DCDC2C: variants seen among roughly 807,000 people sequenced by gnomAD.
DCDC2C encodes doublecortin domain containing 2C, also known as doublecortin domain-containing protein 2C.
A neutral mutation model predicts 45.0 loss-of-function variants in DCDC2C; 44 were observed. That is an observed-to-expected ratio of 0.98 (90% confidence interval 0.77 to 1.26). The LOEUF (loss-of-function observed/expected upper bound fraction) is 1.26. Ranked by LOEUF, DCDC2C falls within the 50% of genes most tolerant of loss-of-function variation. DCDC2C has a pLI of 0.00. For missense variants in DCDC2C, 447 were observed against 468.9 expected (o/e 0.95, Z 0.43); for synonymous variants, 187 against 178.8 (o/e 1.05, Z -0.37).
chr2:3,834,685 T>C (rs545347402), intron 10 of DCDC2C, among the ~76,000 whole-genome samples: 1 of 152,302 alleles, frequency 6.6e-6, no homozygotes, highest in East Asian at 1.9e-4. Context: ...CCCATTCCAG[T>C]GCTCTGTCAA....
Position 3,791,774 on chromosome 2 carries a change from C to T in DCDC2C, c.1065+6674C>T, listed in dbSNP as rs140529615. On this transcript the variant is annotated intron_variant, in intron 10 of 10. Coordinates refer to ENST00000399143, the MANE Select transcript of DCDC2C (RefSeq NM_001287444.2). The stretch of plus-strand genomic sequence containing the variant: ...GCCAGCACTCTTCCTCCCCTCCCGC[C>T]GGCAGAATGTCTTCTCCTCTAAGCC... 1.4e-4 allele frequency among the ~76,000 whole-genome samples: 21 copies of T among 152,326 alleles called. No individual in the cohort carries two copies. In the East Asian group the frequency reaches 3.5e-3, roughly 25 times the overall value.
chr2:3,789,334 T>C (rs77339227), intron 10 of DCDC2C, among the ~76,000 whole-genome samples: 15,184 of 152,262 alleles, frequency 0.1, 1,028 homozygotes, highest in East Asian at 0.29. Context: ...CTGGCTCCTG[T>C]GCTTCTCTTG....
intron 10 of DCDC2C, among the ~76,000 whole-genome samples, chr2:3,812,942 G>A (rs1361023428): frequency 6.6e-6 from 1 of 151,760 alleles, no homozygotes; most frequent in African/African-American, 2.4e-5. Flanking sequence ...TAGTCTGAGA[G>A]ACTGTTATGA....
intron 5 of DCDC2C, among the ~76,000 whole-genome samples, chr2:3,753,357 G>A (rs993316379): frequency 1.3e-5 from 2 of 152,210 alleles, no homozygotes; most frequent in Non-Finnish European, 2.9e-5. Context: ...ATGGCTATGC[G>A]GGTGCCACAC....
intron 3 of DCDC2C, among the ~76,000 whole-genome samples, chr2:3,727,678 C>A (rs997801457): frequency 6.6e-6 from 1 of 152,230 alleles, no homozygotes; most frequent in Non-Finnish European, 1.5e-5. Flanking sequence ...CTGTGTGCAT[C>A]CACCTGCATT....
Position 3,708,455 on chromosome 2 carries a change from A to G in DCDC2C, c.288-94A>G, listed in dbSNP as rs575500191. 6.3e-6 allele frequency: 6 copies of G among 957,304 alleles called. No individual in the cohort carries two copies. The South Asian group carries it at 8.3e-5, about 13-fold the overall frequency. 59.3% of individuals were successfully genotyped at this position (957,304 alleles called of 1,614,324 possible). A position where few individuals can be genotyped will look rare whatever the true frequency, so the allele number is the denominator to read the frequency against. On this transcript the variant is annotated intron_variant, in intron 1 of 10. Transcript: ENST00000399143. ...TCCAAATTGCTGTGGGGTTGTATCTATTAAGCCGGAAAAGGACTCGTTTCT... is the reference window on the plus strand; with the variant it reads ...TCCAAATTGCTGTGGGGTTGTATCTGTTAAGCCGGAAAAGGACTCGTTTCT...
At chr2:3,718,472 T>C (rs1668404277) in intron 2 of DCDC2C, among the ~76,000 whole-genome samples, 1 of 152,132 alleles carries the variant, frequency 6.6e-6, no homozygotes, top group Non-Finnish European at 1.5e-5. Flanking sequence ...AAATCAAGTG[T>C]GTGGCTGTTT....
rs545707166 is a variant in DCDC2C at position 3,770,570 on chromosome 2, C to G, written c.954+1159C>G. ...AAAGATTTCATTTTCTTCGCAAATCCAAACTAACAGTTAAAATATTTTGTA... is the reference window on the plus strand; with the variant it reads ...AAAGATTTCATTTTCTTCGCAAATCGAAACTAACAGTTAAAATATTTTGTA... On this transcript the variant is annotated intron_variant, in intron 8 of 10. Coordinates refer to ENST00000399143, the MANE Select transcript of DCDC2C (RefSeq NM_001287444.2). Among the ~76,000 whole-genome samples, 5 of 152,262 alleles carry G rather than the reference C, an allele frequency of 3.3e-5. No individual in the cohort carries two copies. In the East Asian group the frequency reaches 9.7e-4, roughly 29 times the overall value.
At chr2:3,762,044 AT>A (rs764024082) in intron 6 of DCDC2C, among the ~76,000 whole-genome samples, 20 of 151,472 alleles carry the variant, frequency 1.3e-4, no homozygotes, top group Non-Finnish European at 2.7e-4. Context: ...GCTCACATTG[AT>A]TTTGGAGGGC....
intron 8 of DCDC2C, among the ~76,000 whole-genome samples, chr2:3,775,069 G>GT (rs541405228): frequency 0.12 from 14,582 of 126,504 alleles, 1,393 homozygotes; most frequent in East Asian, 0.22. Flanking sequence ...CTGGCTGGAT[G>GT]TTTTTTTTTT....
chr2:3,810,340 A>C (rs746159367), intron 10 of DCDC2C, among the ~76,000 whole-genome samples: 2 of 152,236 alleles, frequency 1.3e-5, no homozygotes, highest in Non-Finnish European at 2.9e-5. Flanking sequence ...TTATCTGATG[A>C]TCAGCGATGT....
At chr2:3,790,880 G>C (rs1420542513) in intron 10 of DCDC2C, among the ~76,000 whole-genome samples, 2 of 152,142 alleles carry the variant, frequency 1.3e-5, no homozygotes, top group South Asian at 2.1e-4. Flanking sequence ...AGGCCAAGGA[G>C]GACAGATCAC....
chr2:3,785,634 A>G (rs1670631981), intron 10 of DCDC2C, among the ~76,000 whole-genome samples: 1 of 152,118 alleles, frequency 6.6e-6, no homozygotes, highest in South Asian at 2.1e-4. Context: ...TCCCCCTAGA[A>G]GCGCTGCTCT....
At chr2:3,793,251 A>C (rs1670869593) in intron 10 of DCDC2C, among the ~76,000 whole-genome samples, 1 of 152,226 alleles carries the variant, frequency 6.6e-6, no homozygotes, top group Non-Finnish European at 1.5e-5. Context: ...TTAAGAATAC[A>C]TTTCACAAAT....
chr2:3,765,277 G>A (rs1302510755), intron 6 of DCDC2C, among the ~76,000 whole-genome samples: 1 of 152,216 alleles, frequency 6.6e-6, no homozygotes, highest in Non-Finnish European at 1.5e-5. Context: ...TATGCTTGCT[G>A]AATTGAACAC....
intron 8 of DCDC2C, among the ~76,000 whole-genome samples, chr2:3,777,919 A>G (rs1259263304): frequency 1.3e-5 from 2 of 152,234 alleles, no homozygotes; most frequent in Admixed American, 1.3e-4. Flanking sequence ...GCCTTCCCTG[A>G]TGACAGGTGA....
chr2:3,785,845 G>C (rs1670637772), intron 10 of DCDC2C, among the ~76,000 whole-genome samples: 1 of 152,142 alleles, frequency 6.6e-6, no homozygotes, highest in African/African-American at 2.4e-5. Flanking sequence ...CCTAACTGAA[G>C]CCAGCGTCTG....
intron 10 of DCDC2C, among the ~76,000 whole-genome samples, chr2:3,836,591 G>A (rs1672081178): frequency 6.6e-6 from 1 of 151,872 alleles, no homozygotes; most frequent in Non-Finnish European, 1.5e-5. Flanking sequence ...GGCGGGGCGC[G>A]GTGGCTCACG....
intron 6 of DCDC2C, among the ~76,000 whole-genome samples, chr2:3,755,233 G>A (rs1669659411): frequency 6.6e-6 from 1 of 151,250 alleles, no homozygotes; most frequent in Non-Finnish European, 1.5e-5. Flanking sequence ...TGCATGATGT[G>A]TATATGATGT....
Sources: allele counts gnomAD v4.1 joint callset (sites outside exome capture counted in the v4.1 genomes callset), GRCh38; gene constraint gnomAD v4.1.1; transcripts MANE v1.5; gene names NCBI Gene and HGNC (gene_info 2026-07-23, HGNC 2026-07-21).